SOX6: variants seen among roughly 807,000 people sequenced by gnomAD.
SOX6 encodes transcription factor SOX-6.
A neutral mutation model predicts 97.8 loss-of-function variants in SOX6; 11 were observed. The ratio of observed to expected loss-of-function variants is 0.11; its 90% CI spans 0.07 to 0.19. The LOEUF (loss-of-function observed/expected upper bound fraction) is 0.19. Among genes scored for constraint, SOX6 ranks in the 10% least tolerant of loss-of-function variants. SOX6 has a pLI of 1.00. For synonymous variants in SOX6, 360 were observed against 371.4 expected (o/e 0.97, Z 0.35); for missense variants, 810 against 1,039.5 (o/e 0.78, Z 3.04).
chr11:16,489,530 TCTAA>T (rs1288808578), intron 4 of SOX6, among the ~76,000 whole-genome samples: 3 of 152,164 alleles, frequency 2.0e-5, no homozygotes, highest in African/African-American at 7.2e-5. Context: ...AATAGAGTTA[TCTAA>T]CTATCTTTAA....
chr11:16,597,821 G>A (rs1848228514), intron 4 of SOX6, among the ~76,000 whole-genome samples: 1 of 151,888 alleles, frequency 6.6e-6, no homozygotes, highest in Non-Finnish European at 1.5e-5. Context: ...CTCTTTTCTA[G>A]GCCTTAGAAT....
At chr11:16,245,724 A>T (rs1174503035) in intron 3 of SOX6, among the ~76,000 whole-genome samples, 1 of 151,524 alleles carries the variant, frequency 6.6e-6, no homozygotes, top group African/African-American at 2.4e-5. Flanking sequence ...CTTCTCCTGG[A>T]GTCTACTTTT....
chr11:16,587,560 C>T (rs1449981932), intron 4 of SOX6, among the ~76,000 whole-genome samples: 1 of 152,074 alleles, frequency 6.6e-6, no homozygotes, highest in Non-Finnish European at 1.5e-5. Context: ...GATATGCATC[C>T]AGTTCATTAA....
chr11:16,735,170 A>G (rs768160067), intron 2 of SOX6, among the ~76,000 whole-genome samples: 1 of 152,172 alleles, frequency 6.6e-6, no homozygotes, highest in East Asian at 1.9e-4. Flanking sequence ...TCTATGGAAG[A>G]GATTATCTTA....
At chr11:16,087,153 TA>T (rs1848595726) in intron 9 of SOX6, among the ~76,000 whole-genome samples, 1 of 152,180 alleles carries the variant, frequency 6.6e-6, no homozygotes, top group African/African-American at 2.4e-5. Context: ...GGAATAATAT[TA>T]AAACATTTAC....
chr11:16,047,246 G>C (rs1252740907), intron 11 of SOX6, among the ~76,000 whole-genome samples: 1 of 152,032 alleles, frequency 6.6e-6, no homozygotes, highest in East Asian at 1.9e-4. Flanking sequence ...AGGAAAGAGG[G>C]GGCGGAAGGA....
intron 6 of SOX6, among the ~76,000 whole-genome samples, chr11:16,160,377 C>CT (rs2134068936): frequency 6.6e-6 from 1 of 152,250 alleles, no homozygotes; most frequent in East Asian, 1.9e-4. Context: ...CTCAGGCAAA[C>CT]TACAGGAGCT....
At chr11:16,127,415 C>T (rs1052687670) in intron 6 of SOX6, among the ~76,000 whole-genome samples, 3 of 151,878 alleles carry the variant, frequency 2.0e-5, no homozygotes, top group South Asian at 2.1e-4. Flanking sequence ...AAAGTCTTTA[C>T]CTACATCTAT....
chr11:16,136,713 G>A (rs965070046), intron 6 of SOX6, among the ~76,000 whole-genome samples: 4 of 152,084 alleles, frequency 2.6e-5, no homozygotes, highest in Non-Finnish European at 5.9e-5. Context: ...TGGAATTATC[G>A]GTGTAAGCCA....
chr11:15,997,267 C>T (rs919561623), intron 13 of SOX6, among the ~76,000 whole-genome samples: 1 of 152,028 alleles, frequency 6.6e-6, no homozygotes, highest in Admixed American at 6.6e-5. Context: ...AAAATTGAAG[C>T]CCCGAATGGT....
chr11:16,097,877 T>C (rs1158365093), intron 7 of SOX6, among the ~76,000 whole-genome samples, 189 bp from the exon 8 acceptor site: 1 of 151,840 alleles, frequency 6.6e-6, no homozygotes, highest in Non-Finnish European at 1.5e-5. Context: ...AACAGATAGC[T>C]GGTAGGCAAA....
intron 1 of SOX6, among the ~76,000 whole-genome samples, chr11:16,392,674 A>G (rs1393711649): frequency 6.6e-6 from 1 of 152,076 alleles, no homozygotes; most frequent in Non-Finnish European, 1.5e-5. Context: ...ACTCACACCA[A>G]TTCTTATGAG....
At chr11:16,639,566 T>G (rs1167056257) in intron 3 of SOX6, among the ~76,000 whole-genome samples, 3 of 152,232 alleles carry the variant, frequency 2.0e-5, no homozygotes, top group Non-Finnish European at 4.4e-5. Flanking sequence ...GTTCTTCCAG[T>G]TGTTTGTATC....
chr11:16,344,535 C>A (rs975972167), intron 1 of SOX6, among the ~76,000 whole-genome samples: 2 of 151,872 alleles, frequency 1.3e-5, no homozygotes, highest in African/African-American at 4.8e-5. Context: ...CATAGTTACT[C>A]TCCTTTAGAA....
In SOX6 at chr11:16,712,872, T is replaced by C. The variant is rs540822690; in HGVS notation, n.429+1958A>G. Among the ~76,000 whole-genome samples the C allele has an allele frequency of 3.3e-5, 5 of 152,354 alleles. No individual in the cohort carries two copies. The South Asian group carries it at 8.3e-4, about 25-fold the overall frequency. On this transcript the variant is annotated intron_variant and non_coding_transcript_variant, in intron 3 of 5. Transcript: ENST00000524520. The stretch of plus-strand genomic sequence containing the variant: ...ATACTGTTAATTATTATATTTCCCA[T>C]GCCTGGCACAATAAATAATAGCTCT...
At chr11:16,595,764 C>A (rs767265006) in intron 4 of SOX6, among the ~76,000 whole-genome samples, 5 of 152,090 alleles carry the variant, frequency 3.3e-5, no homozygotes, top group Admixed American at 2.6e-4. Flanking sequence ...GAGCAAGACC[C>A]CGTCTCTTAA....
At chr11:16,379,954 C>T (rs1166061183) in intron 1 of SOX6, among the ~76,000 whole-genome samples, 1 of 151,298 alleles carries the variant, frequency 6.6e-6, no homozygotes, top group Non-Finnish European at 1.5e-5. Context: ...AATGATATAC[C>T]ATTAAATTAA....
intron 3 of SOX6, among the ~76,000 whole-genome samples, chr11:16,625,106 GAGT>G (rs1848604903): frequency 6.6e-6 from 1 of 152,100 alleles, no homozygotes; most frequent in Admixed American, 6.5e-5. Context: ...GTATTTTGAT[GAGT>G]AGATGTTTTT....
chr11:16,394,133 A>C (rs949162252), intron 1 of SOX6, among the ~76,000 whole-genome samples: 1 of 151,980 alleles, frequency 6.6e-6, no homozygotes, highest in African/African-American at 2.4e-5. Flanking sequence ...AAATATTGTG[A>C]GATTGAAACT....
Sources: gnomAD v4.1 joint callset for allele counts (sites outside exome capture counted in the v4.1 genomes callset) on GRCh38, gnomAD v4.1.1 for gene constraint, MANE v1.5 for transcripts, NCBI Gene and HGNC (gene_info 2026-07-23, HGNC 2026-07-21) for gene names.